Variants in TPO observed in about 807,000 individuals in gnomAD.
TPO encodes the protein thyroid peroxidase.
In TPO, 78 loss-of-function variants were observed where a neutral mutation model predicts 96.9. That is an observed-to-expected ratio of 0.81 (90% CI 0.67 to 0.97). The LOEUF is 0.97. TPO is among the 50% of genes least tolerant of loss of function. TPO has a pLI of 0.00. For synonymous variants in TPO, 547 were observed against 538.0 expected, an observed-to-expected ratio of 1.02 and a Z score of -0.23; for missense variants, 1,252 against 1,274.8, an observed-to-expected ratio of 0.98 and a Z score of 0.27.
chr2:1,496,878 C>G (rs1672409353), intron 13 of TPO, 113 bp downstream of exon 13: 2 of 1,504,898 alleles, frequency 1.3e-6, no homozygotes, highest in African/African-American at 2.7e-5. Flanking sequence ...AAACTGTTAT[C>G]TTCCCAGGAG....
At chr2:1,430,051 C>T (rs1664821936) in intron 3 of TPO, among the ~76,000 whole-genome samples, 2 of 152,182 alleles carry the variant, frequency 1.3e-5, no homozygotes, top group Admixed American at 1.3e-4. Context: ...CCAAGTGCTA[C>T]TATCCAAGAC....
intron 9 of TPO, among the ~76,000 whole-genome samples, chr2:1,486,794 G>C (rs187047302): frequency 1.3e-3 from 192 of 151,450 alleles, no homozygotes; most frequent in African/African-American, 4.3e-3. Context: ...GGCTCCAGGC[G>C]TAGTGGGGAG....
intron 1 of TPO, among the ~76,000 whole-genome samples, chr2:1,378,122 T>G (rs987078644): frequency 6.6e-6 from 1 of 152,224 alleles, no homozygotes; most frequent in African/African-American, 2.4e-5. Flanking sequence ...TCAGTGATTG[T>G]GAGGTCTCCC....
upstream of TPO, among the ~76,000 whole-genome samples, chr2:1,411,120 G>T (rs1662326533): frequency 6.6e-6 from 1 of 152,010 alleles, no homozygotes; most frequent in South Asian, 2.1e-4. Flanking sequence ...TGGGCCTCCT[G>T]CAAACCCGCC....
In TPO at chr2:1,477,538, C is replaced by G. The variant is rs536281655; in HGVS notation, c.1272C>G (p.Leu424=). Residue 424 remains leucine, a synonymous_variant, in exon 8 of 17, where the codon CTC becomes CTG. Coordinates refer to ENST00000329066, the MANE Select transcript of TPO (RefSeq NM_001206744.2). ...HNRLAAALKA[L]NAHWSADAVY... is the part of the protein sequence containing the mutation. ...GCCTGGCCGCGGCGCTCAAGGCCCT[C>G]AATGCGCACTGGAGCGCGGACGCCG... 1 of 1,535,806 alleles carries G rather than the reference C, an allele frequency of 6.5e-7. No individual in the cohort carries two copies. The highest frequency in any genetic ancestry group is 1.2e-5 in the South Asian group (1 of 83,974).
intron 7 of TPO, among the ~76,000 whole-genome samples, chr2:1,468,406 G>A (rs979112636): frequency 1.3e-5 from 2 of 152,088 alleles, no homozygotes; most frequent in Non-Finnish European, 2.9e-5. Flanking sequence ...CTTGGTAGGG[G>A]TGAATTTTCT....
chr2:1,489,980 A>AG (rs1186984275), intron 10 of TPO, among the ~76,000 whole-genome samples: 1 of 113,332 alleles, frequency 8.8e-6, no homozygotes, highest in Admixed American at 9.2e-5. Flanking sequence ...GGTCCCACAC[A>AG]GGGGGAGTCA....
chr2:1,377,879 G>T (rs921540174), intron 1 of TPO, among the ~76,000 whole-genome samples: 3 of 152,184 alleles, frequency 2.0e-5, no homozygotes, highest in South Asian at 2.1e-4. Context: ...GCCTGACATG[G>T]TTTCACTGTG....
At chr2:1,519,852 C>A (rs1470976189) in intron 15 of TPO, among the ~76,000 whole-genome samples, 9 of 152,136 alleles carry the variant, frequency 5.9e-5, no homozygotes, top group Admixed American at 5.9e-4. Context: ...GTAGCCCACA[C>A]TCACAAGAAA....
At chr2:1,437,842 G>C (rs534635132) in intron 5 of TPO, among the ~76,000 whole-genome samples, 2 of 152,286 alleles carry the variant, frequency 1.3e-5, no homozygotes, top group East Asian at 1.9e-4. Context: ...GCCTGGGGGG[G>C]GGTCTGTGCC....
At chr2:1,483,834 C>T (rs564629556) in intron 8 of TPO, among the ~76,000 whole-genome samples, 3 of 152,282 alleles carry the variant, frequency 2.0e-5, no homozygotes, top group South Asian at 2.1e-4. Context: ...GGCCAAATTA[C>T]GTGCTTAGGA....
At chr2:1,401,251 A>C (rs1214866261) in intron 1 of TPO, among the ~76,000 whole-genome samples, 1 of 152,224 alleles carries the variant, frequency 6.6e-6, no homozygotes, top group African/African-American at 2.4e-5. Context: ...AGTTTACTTG[A>C]CCATTAGAAG....
At chr2:1,377,194 G>A (rs150779144) in intron 1 of TPO, among the ~76,000 whole-genome samples, 16 of 152,280 alleles carry the variant, frequency 1.1e-4, no homozygotes, top group Non-Finnish European at 2.1e-4. Context: ...TGTGTCCTTC[G>A]GGTAAACCAG....
At chr2:1,428,217 G>A (rs1358955441) in intron 3 of TPO, among the ~76,000 whole-genome samples, 1 of 152,178 alleles carries the variant, frequency 6.6e-6, no homozygotes, top group African/African-American at 2.4e-5. Flanking sequence ...TGCAGCCCTG[G>A]GCTGGGCTGC....
chr2:1,532,539 C>T (rs1202345948), intron 15 of TPO, among the ~76,000 whole-genome samples: 1 of 138,466 alleles, frequency 7.2e-6, no homozygotes, highest in African/African-American at 2.8e-5. Context: ...TCAAATACCC[C>T]ACTGTCAGCA....
chr2:1,463,576 C>T (rs906277438), intron 7 of TPO, among the ~76,000 whole-genome samples: 2 of 152,176 alleles, frequency 1.3e-5, no homozygotes, highest in Middle Eastern at 3.2e-3. Flanking sequence ...AGCAACTACA[C>T]GAGACTATAA....
At position 1,535,278 on chromosome 2, in the gene TPO, TGTATG is replaced by T. The variant is rs1468315605; in HGVS notation, c.2619-5315_2619-5311del. Reference sequence around the variant, plus strand: ...TGCAACCTCCCAAAATCCCCCATACTGTATGCAACCTCCTCAAATCCCTGTACTGT... The same window carrying T: ...TGCAACCTCCCAAAATCCCCCATACTCAACCTCCTCAAATCCCTGTACTGT... On this transcript the variant is annotated intron_variant, in intron 15 of 16. Coordinates refer to ENST00000329066, the MANE Select transcript of TPO (RefSeq NM_001206744.2). Among the ~76,000 whole-genome samples, 282 of 126,050 alleles carry T rather than the reference TGTATG, an allele frequency of 2.2e-3. 19 individuals carry two copies. Among genetic ancestry groups the T allele is most frequent in the Middle Eastern group, 5.1e-3 (1 of 196 alleles). The allele number at this position is 126,050 out of a possible 152,430, so 82.7% of individuals were successfully genotyped here. A position where few individuals can be genotyped will look rare whatever the true frequency, so the allele number is the denominator to read the frequency against.
rs752111370 is a variant in TPO at position 1,436,254 on chromosome 2, G to C, written c.352G>C (p.Ala118Pro). 1.9e-6 allele frequency: 3 copies of C among 1,614,204 alleles called. No homozygotes were observed. The highest frequency in any genetic ancestry group is 1.1e-5 in the South Asian group (1 of 91,078). ...TCATGGTTTCCTATTTTTCACAGAT[G>C]CTTTATCAGAAGATCTGCTGAGCAT... ...KTQQSQHPTD[A>P]LSEDLLSIIA... The change falls in exon 5 of 17, where the codon GCT becomes CCT. Residue 118 changes from alanine to proline, a missense_variant and splice_region_variant. Transcript: ENST00000329066.
intron 7 of TPO, among the ~76,000 whole-genome samples, chr2:1,468,665 A>C (rs896580462): frequency 6.6e-6 from 1 of 152,190 alleles, no homozygotes; most frequent in Non-Finnish European, 1.5e-5. Context: ...AACTTTAGGT[A>C]ACCTGATGAC....
Sources: gnomAD v4.1 joint callset for allele counts (sites outside exome capture counted in the v4.1 genomes callset) on GRCh38, gnomAD v4.1.1 for gene constraint, MANE v1.5 for transcripts, NCBI Gene and HGNC (gene_info 2026-07-23, HGNC 2026-07-21) for gene names.